EIF2B3: variants seen among roughly 807,000 people sequenced by gnomAD.
EIF2B3 encodes translation initiation factor eIF2B subunit gamma.
A neutral mutation model predicts 54.1 loss-of-function variants in EIF2B3; 20 were observed. The ratio of observed to expected loss-of-function variants is 0.37; its 90% confidence interval spans 0.26 to 0.54. The LOEUF (loss-of-function observed/expected upper bound fraction) is 0.54, where lower values mean the gene tolerates loss of function less well. Ranked by LOEUF, EIF2B3 falls within the 20% of genes least tolerant of loss-of-function variation. The probability of loss-of-function intolerance (pLI) is 0.86; values close to 1 mark genes in which losing one functional copy is unlikely to be tolerated. For synonymous variants in EIF2B3, 153 were observed against 188.1 expected (o/e 0.81, Z 1.52); for missense variants, 448 against 547.8 (o/e 0.82, Z 1.82).
chr1:44,954,360 A>G (rs1391166989), intron 3 of EIF2B3, among the ~76,000 whole-genome samples: 7 of 152,190 alleles, frequency 4.6e-5, no homozygotes, highest in Non-Finnish European at 5.9e-5. Flanking sequence ...CTTCCTATCC[A>G]TGAGCATGGA....
intron 10 of EIF2B3, 29 bp downstream of exon 10, chr1:44,874,649 G>A: frequency 1.2e-6 from 2 of 1,607,454 alleles, no homozygotes; most frequent in South Asian, 1.1e-5. Flanking sequence ...CATTATCTTT[G>A]CCTCAAGTGG....
intron 3 of EIF2B3, among the ~76,000 whole-genome samples, chr1:44,965,559 G>C (rs1355202903): frequency 6.8e-6 from 1 of 147,916 alleles, no homozygotes; most frequent in Non-Finnish European, 1.5e-5. Context: ...GTACTAATTA[G>C]TACTAAAGTA....
intron 11 of EIF2B3, among the ~76,000 whole-genome samples, chr1:44,854,334 G>A (rs1280822806): frequency 6.6e-6 from 1 of 151,858 alleles, no homozygotes; most frequent in Admixed American, 6.6e-5. Flanking sequence ...ACTGTTAGCT[G>A]TAGCCATTCT....
chr1:44,930,238 CA>C, intron 4 of EIF2B3, among the ~76,000 whole-genome samples: 1 of 152,156 alleles, frequency 6.6e-6, no homozygotes, highest in South Asian at 2.1e-4. Context: ...TTAGGAATTC[CA>C]ACTCATTTTA....
chr1:44,984,087 G>A lies in EIF2B3; in HGVS notation c.-10+2406C>T, dbSNP rs575220848. Among the ~76,000 whole-genome samples the A allele has an allele frequency of 2.1e-4, 32 of 152,212 alleles. No homozygotes were observed. The East Asian group carries it at 3.3e-3, about 16-fold the overall frequency. On this transcript the variant is annotated intron_variant, in intron 1 of 11. Transcript: ENST00000360403. Reference sequence around the variant, plus strand: ...CCAGCTACTCAGGTGGCTGAGGCAGGAGAATCACAGGAACCCGGGAGGCAG... The same window carrying A: ...CCAGCTACTCAGGTGGCTGAGGCAGAAGAATCACAGGAACCCGGGAGGCAG...
At chr1:44,916,742 G>A (rs1171569626) in intron 5 of EIF2B3, among the ~76,000 whole-genome samples, 1 of 150,180 alleles carries the variant, frequency 6.7e-6, no homozygotes, top group African/African-American at 2.4e-5. Flanking sequence ...AGGATTGATT[G>A]AGCCCAGGAG....
At chr1:44,875,751 C>T in intron 8 of EIF2B3, 56 bp from the exon 9 acceptor site, 1 of 1,318,212 alleles carries the variant, frequency 7.6e-7, no homozygotes, top group Non-Finnish European at 1.1e-6. Context: ...GTAGCTCTCC[C>T]TCTCCCTCTC....
At chr1:44,963,278 CTT>C (rs373810618) in intron 3 of EIF2B3, among the ~76,000 whole-genome samples, 21 of 143,490 alleles carry the variant, frequency 1.5e-4, no homozygotes, top group South Asian at 6.8e-4. Flanking sequence ...GGGGGGAAAT[CTT>C]TTTTTTTTTT....
chr1:44,925,588 C>T (rs1439700008), intron 5 of EIF2B3, among the ~76,000 whole-genome samples: 1 of 152,112 alleles, frequency 6.6e-6, no homozygotes, highest in Non-Finnish European at 1.5e-5. Flanking sequence ...ATCTGTTTCA[C>T]CACAATGTGA....
chr1:44,857,709 G>A lies in EIF2B3; in HGVS notation c.1301C>T (p.Ala434Val). 2 of 1,613,968 alleles carry A rather than the reference G, an allele frequency of 1.2e-6. No individual in the cohort carries two copies. The highest frequency in any genetic ancestry group is 2.2e-5 in the South Asian group (2 of 91,082). Reference protein sequence around the residue: ...CLIGSGQRIEAKAKRVNEVIV... With the variant: ...CLIGSGQRIEVKAKRVNEVIV... ...GTGATTGTAATCTGGTTTACCTTTG[G>A]CTTCAATCCTCTGGCCACTTCCAAT... The change falls in exon 11 of 12, where the codon GCC becomes GTC. Residue 434 changes from alanine to valine, a missense_variant. Physicochemically the swap from Ala to Val is moderately conservative, Grantham distance 64. This residue lies in a region of EIF2B3 where 350 missense variants were observed against 414.2 expected (regional missense o/e 0.85). Transcript: ENST00000360403.
intron 1 of EIF2B3, among the ~76,000 whole-genome samples, chr1:44,986,138 CTTTTTT>C (rs66786376): frequency 2.8e-5 from 4 of 142,228 alleles, no homozygotes; most frequent in Admixed American, 7.0e-5. Flanking sequence ...CTTTTCTTTT[CTTTTTT>C]TTTTTTTTTT....
intron 5 of EIF2B3, among the ~76,000 whole-genome samples, chr1:44,924,176 G>A (rs537464467): frequency 3.5e-4 from 54 of 152,114 alleles, no homozygotes; most frequent in South Asian, 2.1e-4. Flanking sequence ...TCCTGACCTC[G>A]TGATCCCCCC....
chr1:44,931,267 G>A (rs550776696), intron 4 of EIF2B3, among the ~76,000 whole-genome samples: 1 of 152,240 alleles, frequency 6.6e-6, no homozygotes, highest in Non-Finnish European at 1.5e-5. Context: ...ACAGTCCTAG[G>A]GAAATGAAAT....
chr1:44,939,980 A>G (rs939531964), intron 4 of EIF2B3, among the ~76,000 whole-genome samples: 3 of 152,204 alleles, frequency 2.0e-5, no homozygotes, highest in African/African-American at 7.2e-5. Context: ...AGCAGAAACT[A>G]TATGAAGAAC....
intron 6 of EIF2B3, among the ~76,000 whole-genome samples, chr1:44,888,712 A>T (rs766507915): frequency 6.6e-5 from 10 of 152,214 alleles, no homozygotes; most frequent in Non-Finnish European, 1.5e-4. Context: ...AAGACGGCCC[A>T]GCAAGCTGGT....
intron 6 of EIF2B3, among the ~76,000 whole-genome samples, chr1:44,882,934 T>TC (rs1655456039): frequency 1.4e-5 from 2 of 143,380 alleles, no homozygotes; most frequent in East Asian, 2.0e-4. Flanking sequence ...TTTTCTTTTT[T>TC]TTTTTTTTTT....
At chr1:44,886,166 G>A (rs529457912) in intron 6 of EIF2B3, among the ~76,000 whole-genome samples, 4 of 152,036 alleles carry the variant, frequency 2.6e-5, no homozygotes, top group Admixed American at 1.3e-4. Flanking sequence ...TGCAACCTCC[G>A]CCTCCTGGGT....
rs747741036 is a variant in EIF2B3 at position 44,897,439 on chromosome 1, G to C, written c.572C>G (p.Pro191Arg). The C allele has an allele frequency of 2.5e-6, 4 of 1,609,934 alleles. No homozygotes were observed. Among genetic ancestry groups the C allele is most frequent in the Non-Finnish European group, 3.4e-6 (4 of 1,178,182 alleles). Residue 191 changes from proline to arginine, a missense_variant, in exon 6 of 12, where the codon CCT becomes CGT. Around this residue, in one of 3 missense-constraint regions of EIF2B3, gnomAD observed 350 missense variants for 414.2 expected, o/e 0.85. Transcript: ENST00000360403. Reference sequence around the variant, plus strand: ...AAGACCCGTGTGGAAACGTATTCTAGGATGCCTGCAAAAAAATAAAAAATA... The same window carrying C: ...AAGACCCGTGTGGAAACGTATTCTACGATGCCTGCAAAAAAATAAAAAATA... ...VIKGSILQKH[P>R]RIRFHTGLVD...
intron 5 of EIF2B3, among the ~76,000 whole-genome samples, chr1:44,912,353 C>T (rs1361603689): frequency 1.3e-5 from 2 of 152,306 alleles, no homozygotes; most frequent in East Asian, 1.9e-4. Context: ...TGATACTTTT[C>T]AAGTCTTATA....
Sources: gnomAD v4.1 joint callset for allele counts (sites outside exome capture counted in the v4.1 genomes callset) on GRCh38, gnomAD v4.1.1 for gene constraint, gnomAD v4.1.1 regional missense constraint, MANE v1.5 for transcripts, NCBI Gene and HGNC (gene_info 2026-07-23, HGNC 2026-07-21) for gene names.